MCTP1: variants seen among roughly 807,000 people sequenced by gnomAD.
The protein encoded by MCTP1 is multiple C2 and transmembrane domain-containing protein 1.
Under a neutral mutation model 120.6 loss-of-function variants are expected in MCTP1, and 69 were observed. That is an observed-to-expected ratio of 0.57 (90% confidence interval 0.47 to 0.70). MCTP1 has a LOEUF of 0.70. Among genes scored for constraint, MCTP1 ranks in the 30% least tolerant of loss-of-function variants. MCTP1 has a pLI of 0.00. For missense variants in MCTP1, 1,203 were observed against 1,248.8 expected, an observed-to-expected ratio of 0.96 and a Z score of 0.55; for synonymous variants, 529 against 493.1, an observed-to-expected ratio of 1.07 and a Z score of -0.96.
chr5:95,107,792 C>T (rs1582265743), intron 1 of MCTP1, among the ~76,000 whole-genome samples: 1 of 152,184 alleles, frequency 6.6e-6, no homozygotes, highest in Non-Finnish European at 1.5e-5. Flanking sequence ...AAAGCTATTT[C>T]CTTTAGTTGG....
chr5:94,945,783 A>T (rs1246867112), intron 3 of MCTP1, among the ~76,000 whole-genome samples: 1 of 152,230 alleles, frequency 6.6e-6, no homozygotes, highest in Non-Finnish European at 1.5e-5. Context: ...GTGTTTCCCC[A>T]TGATGGGAAA....
intron 1 of MCTP1, among the ~76,000 whole-genome samples, chr5:95,216,628 C>G (rs1562247222): frequency 6.8e-6 from 1 of 147,448 alleles, no homozygotes; most frequent in African/African-American, 2.4e-5. Context: ...TCACAGCACT[C>G]TAAGAAGTAG....
At chr5:95,261,066 C>T (rs571276086) in intron 1 of MCTP1, among the ~76,000 whole-genome samples, 8 of 152,288 alleles carry the variant, frequency 5.3e-5, no homozygotes, top group South Asian at 2.1e-4. Context: ...GAAACTTTTC[C>T]GAGGTAGATT....
intron 2 of MCTP1, among the ~76,000 whole-genome samples, chr5:94,990,477 T>C (rs1208831534): frequency 6.6e-6 from 1 of 152,164 alleles, no homozygotes; most frequent in Non-Finnish European, 1.5e-5. Context: ...TTCTTCTCCA[T>C]TGGCAATTCA....
At chr5:95,026,839 A>G (rs1473806933) in intron 1 of MCTP1, among the ~76,000 whole-genome samples, 1 of 152,178 alleles carries the variant, frequency 6.6e-6, no homozygotes, top group East Asian at 1.9e-4. Flanking sequence ...CTTAAAGTTA[A>G]AACTTCGTGA....
chr5:95,109,437 G>T (rs769733415), intron 1 of MCTP1, among the ~76,000 whole-genome samples: 2 of 152,026 alleles, frequency 1.3e-5, no homozygotes, highest in African/African-American at 4.8e-5. Context: ...CCAAGGAAAC[G>T]CTTGATATGC....
At chr5:94,955,255 A>G (rs1471498413) in intron 2 of MCTP1, among the ~76,000 whole-genome samples, 2 of 152,264 alleles carry the variant, frequency 1.3e-5, no homozygotes, top group East Asian at 3.9e-4. Flanking sequence ...TGCTTTTCCC[A>G]TGGTCTTCAC....
At chr5:94,781,940 C>T (rs1776660195) in intron 18 of MCTP1, among the ~76,000 whole-genome samples, 1 of 152,086 alleles carries the variant, frequency 6.6e-6, no homozygotes, top group African/African-American at 2.4e-5. Flanking sequence ...TCCTCCAGTG[C>T]CTTTTTAAAG....
At chr5:95,245,634 A>G (rs1004949381) in intron 1 of MCTP1, among the ~76,000 whole-genome samples, 2 of 151,286 alleles carry the variant, frequency 1.3e-5, no homozygotes, top group South Asian at 2.1e-4. Flanking sequence ...AAAAAAAAAA[A>G]GAGTGAAAAG....
chr5:94,796,396 G>A (rs1036125799), intron 18 of MCTP1, among the ~76,000 whole-genome samples: 16 of 151,692 alleles, frequency 1.1e-4, no homozygotes, highest in Non-Finnish European at 4.4e-5. Flanking sequence ...CGGAGATCCT[G>A]TAAAGTTTTC....
chr5:94,901,464 T>C (rs1805512486), intron 10 of MCTP1, among the ~76,000 whole-genome samples: 1 of 152,146 alleles, frequency 6.6e-6, no homozygotes, highest in Non-Finnish European at 1.5e-5. Flanking sequence ...CTTCCTAGTA[T>C]TCCCTGACTC....
intron 19 of MCTP1, among the ~76,000 whole-genome samples, chr5:94,754,464 G>A (rs774326103): frequency 2.2e-4 from 33 of 152,180 alleles, no homozygotes; most frequent in Non-Finnish European, 3.8e-4. Flanking sequence ...AGAATGCTAA[G>A]CAATATTAGT....
chr5:95,024,011 G>A (rs1351893972), intron 1 of MCTP1: 1 of 414,160 alleles, frequency 2.4e-6, no homozygotes, highest in African/African-American at 2.1e-5. Flanking sequence ...TTCCTTGTTG[G>A]ATGTATGACT....
At chr5:94,976,802 C>G (rs1293157105) in intron 2 of MCTP1, 1 of 152,004 alleles carries the variant, frequency 6.6e-6, no homozygotes, top group Non-Finnish European at 1.5e-5. Context: ...TGTATTTTCT[C>G]TAACAAACTA....
At chr5:94,786,128 C>T (rs1431350020) in intron 18 of MCTP1, among the ~76,000 whole-genome samples, 1 of 152,116 alleles carries the variant, frequency 6.6e-6, no homozygotes, top group Non-Finnish European at 1.5e-5. Flanking sequence ...CCATATTGAT[C>T]TGTTAGGTTT....
At chr5:95,257,069 T>G (rs566088458) in intron 1 of MCTP1, among the ~76,000 whole-genome samples, 143 of 152,342 alleles carry the variant, frequency 9.4e-4, no homozygotes, top group African/African-American at 3.3e-3. Context: ...TATGAATGGC[T>G]GGAATTTAGG....
chr5:94,839,914 C>T (rs1790627227), intron 17 of MCTP1, among the ~76,000 whole-genome samples: 1 of 152,128 alleles, frequency 6.6e-6, no homozygotes, highest in South Asian at 2.1e-4. Context: ...ATTCATTTGC[C>T]TTAATTGAAA....
At chr5:95,135,441 C>G (rs1312821996) in intron 1 of MCTP1, among the ~76,000 whole-genome samples, 1 of 152,132 alleles carries the variant, frequency 6.6e-6, no homozygotes, top group Non-Finnish European at 1.5e-5. Context: ...TGAGTGTCAA[C>G]TTGATTGGAC....
At position 95,022,899 on chromosome 5, in the gene MCTP1, A is replaced by G. The variant is rs1838476481; in HGVS notation, c.721-5415T>C. Among the ~76,000 whole-genome samples the G allele has an allele frequency of 2.0e-5, 3 of 152,190 alleles. No homozygotes were observed. In the South Asian group the frequency reaches 6.2e-4, roughly 32 times the overall value. Reference sequence around the variant, plus strand: ...ATTGGGAGAGAAGGACAGTGGATCAATTATGATGGGAGAAGACTCTCAGGA... The same window carrying G: ...ATTGGGAGAGAAGGACAGTGGATCAGTTATGATGGGAGAAGACTCTCAGGA... On this transcript the variant is annotated intron_variant, in intron 1 of 22. Transcript: ENST00000515393.
Sources: allele counts gnomAD v4.1 joint callset (sites outside exome capture counted in the v4.1 genomes callset), GRCh38; gene constraint gnomAD v4.1.1; transcripts MANE v1.5; gene names NCBI Gene and HGNC (gene_info 2026-07-23, HGNC 2026-07-21).